BTG4: variants seen among roughly 807,000 people sequenced by gnomAD.
The protein encoded by BTG4 is protein BTG4.
BTG4 carries 10 observed loss-of-function variants against 19.3 expected under a neutral mutation model. The observed-to-expected ratio is 0.52, with a 90% CI of 0.32 to 0.88. The LOEUF (loss-of-function observed/expected upper bound fraction) is 0.88. BTG4 is among the 40% of genes least tolerant of loss of function. The pLI is 0.04. For missense variants in BTG4, 238 were observed against 281.9 expected (o/e 0.84, Z 1.11); for synonymous variants, 91 against 95.7 (o/e 0.95, Z 0.29).
At chr11:111,437,604 G>C in the BTG4 span, among the ~76,000 whole-genome samples, 8 of 152,170 alleles carry the variant, frequency 5.3e-5, no homozygotes, top group African/African-American at 1.9e-4. Context: ...GGAGGGGCCG[G>C]AGAGCCTCTG....
At chr11:111,428,351 C>T in the BTG4 span, among the ~76,000 whole-genome samples, 5 of 152,250 alleles carry the variant, frequency 3.3e-5, 1 homozygote, top group Middle Eastern at 3.4e-3. Context: ...AATTCAGTCC[C>T]TCCAGATTTC....
intron 5 of BTG4, among the ~76,000 whole-genome samples, chr11:111,486,418 T>A (rs902407204): frequency 6.6e-6 from 1 of 152,094 alleles, no homozygotes; most frequent in Non-Finnish European, 1.5e-5. Context: ...GCCTAGGTGA[T>A]AGAGTAAGAC....
At chr11:111,513,401 T>C, upstream of BTG4, 1 of 534,272 alleles carries the variant, frequency 1.9e-6, no homozygotes. Flanking sequence ...TGTCACAACG[T>C]GTTGGGGTAC....
At chr11:111,456,256 CT>C in the BTG4 span, among the ~76,000 whole-genome samples, 2 of 152,178 alleles carry the variant, frequency 1.3e-5, no homozygotes, top group African/African-American at 4.8e-5. The surrounding 1 kb of genome is among the most constrained non-coding windows in gnomAD (Gnocchi z 4.2). Flanking sequence ...CGTAGCCCCC[CT>C]GTAGGCTGTT....
chr11:111,485,404 A>G (rs1421631215), intron 5 of BTG4, among the ~76,000 whole-genome samples: 1 of 152,196 alleles, frequency 6.6e-6, no homozygotes, highest in Non-Finnish European at 1.5e-5. Context: ...CATATCAACT[A>G]CTTTTTCCAA....
the BTG4 span, among the ~76,000 whole-genome samples, chr11:111,425,382 A>G: frequency 6.6e-6 from 1 of 152,076 alleles, no homozygotes; most frequent in East Asian, 1.9e-4. Context: ...TGGAGCTCAT[A>G]GTCCCTCCAA....
chr11:111,465,245 G>T (rs1863652813), downstream of BTG4, among the ~76,000 whole-genome samples: 1 of 152,068 alleles, frequency 6.6e-6, no homozygotes, highest in Admixed American at 6.6e-5. Context: ...CACAGTGCAG[G>T]GCTCCAGGTA....
chr11:111,387,542 C>T, the BTG4 span, among the ~76,000 whole-genome samples: 1 of 152,192 alleles, frequency 6.6e-6, no homozygotes. Context: ...CCACAGCAGG[C>T]TGGAAGGTGC....
the BTG4 span, among the ~76,000 whole-genome samples, chr11:111,437,012 G>C: frequency 9.8e-5 from 15 of 152,306 alleles, no homozygotes; most frequent in African/African-American, 3.6e-4. Context: ...GAACAGCCCT[G>C]TCTGCGGAGA....
At chr11:111,413,891 A>G in the BTG4 span, among the ~76,000 whole-genome samples, 1 of 152,236 alleles carries the variant, frequency 6.6e-6, no homozygotes, top group East Asian at 1.9e-4. Flanking sequence ...GAATCCATCC[A>G]GAAAACAAGT....
the BTG4 span, among the ~76,000 whole-genome samples, chr11:111,425,088 C>A: frequency 6.6e-6 from 1 of 152,054 alleles, no homozygotes; most frequent in Non-Finnish European, 1.5e-5. Context: ...TGAAGGAAGG[C>A]GCCATTTGGG....
intron 5 of BTG4, among the ~76,000 whole-genome samples, chr11:111,478,637 G>A (rs1282414085): frequency 1.3e-5 from 2 of 152,102 alleles, no homozygotes; most frequent in East Asian, 3.9e-4. Context: ...ATAAGTCTCA[G>A]CAACGAATGG....
At chr11:111,466,078 A>G (rs1453536346), downstream of BTG4, among the ~76,000 whole-genome samples, 1 of 152,132 alleles carries the variant, frequency 6.6e-6, no homozygotes, top group Non-Finnish European at 1.5e-5. Context: ...GTAATTTTAT[A>G]TACATTATCT....
chr11:111,443,047 A>G, the BTG4 span, among the ~76,000 whole-genome samples: 1 of 152,218 alleles, frequency 6.6e-6, no homozygotes, highest in African/African-American at 2.4e-5. Context: ...CAAGGTCAAC[A>G]CCAACAGTGA....
chr11:111,507,666 T>G (rs563784033), intron 1 of BTG4, among the ~76,000 whole-genome samples: 20 of 152,292 alleles, frequency 1.3e-4, no homozygotes, highest in Non-Finnish European at 1.9e-4. Context: ...ATAGCTTGGT[T>G]TTTGTGAGAG....
chr11:111,453,575 G>A, the BTG4 span: 1 of 453,594 alleles, frequency 2.2e-6, no homozygotes, highest in Non-Finnish European at 4.4e-6. Context: ...AGGGTTGAGG[G>A]GGGTCCTGGT....
chr11:111,501,594 T>C (rs1866084858), intron 1 of BTG4, among the ~76,000 whole-genome samples: 1 of 152,192 alleles, frequency 6.6e-6, no homozygotes, highest in Non-Finnish European at 1.5e-5. Flanking sequence ...AAGCAATTAG[T>C]TCTAGTTATT....
chr11:111,466,500 T>G (rs1040877478), downstream of BTG4, among the ~76,000 whole-genome samples: 5 of 152,244 alleles, frequency 3.3e-5, no homozygotes, highest in Non-Finnish European at 7.3e-5. Context: ...ACCCTCATTC[T>G]GTCCTAGCCC....
At chr11:111,413,790 G>A in the BTG4 span, among the ~76,000 whole-genome samples, 1 of 152,194 alleles carries the variant, frequency 6.6e-6, no homozygotes, top group African/African-American at 2.4e-5. Context: ...GGTTCTGATC[G>A]AAGAGAAGGG....
Sources: allele counts gnomAD v4.1 joint callset (sites outside exome capture counted in the v4.1 genomes callset), GRCh38; gene constraint gnomAD v4.1.1; non-coding constraint Gnocchi (gnomAD v3.1); transcripts MANE v1.5; gene names NCBI Gene and HGNC (gene_info 2026-07-23, HGNC 2026-07-21).